The following RGS7 variants were observed in gnomAD, a reference collection of about 807,000 sequenced individuals.
RGS7 encodes regulator of G protein signaling 7.
RGS7 carries 27 observed loss-of-function variants against 81.1 expected under a neutral mutation model. The observed-to-expected ratio is 0.33, with a 90% CI of 0.25 to 0.46. The LOEUF (loss-of-function observed/expected upper bound fraction) is 0.46, where lower values mean the gene tolerates loss of function less well. Among genes scored for constraint, RGS7 ranks in the 20% least tolerant of loss-of-function variants. RGS7 has a pLI of 1.00. For missense variants in RGS7, 396 were observed against 607.4 expected, an observed-to-expected ratio of 0.65 and a Z score of 3.66; for synonymous variants, 208 against 207.7, an observed-to-expected ratio of 1.00 and a Z score of -0.01.
chr1:240,813,780 G>A (rs1251834971), intron 12 of RGS7, 52 bp from the exon 13 acceptor site: 1 of 1,161,636 alleles, frequency 8.6e-7, no homozygotes, highest in East Asian at 2.4e-5. Flanking sequence ...TGGGGTTGCA[G>A]CCAGTCCAAA....
intron 18 of RGS7, among the ~76,000 whole-genome samples, chr1:240,780,617 T>C (rs751431209): frequency 9.2e-5 from 14 of 151,916 alleles, no homozygotes; most frequent in Non-Finnish European, 1.3e-4. Context: ...TGGTTCAAAA[T>C]TCTGGGAAGA....
At chr1:241,227,715 G>A (rs1415570651) in intron 2 of RGS7, among the ~76,000 whole-genome samples, 1 of 115,460 alleles carries the variant, frequency 8.7e-6, no homozygotes, top group South Asian at 3.2e-4. Context: ...ACATTACACC[G>A]TACTCCTAGG....
At chr1:241,331,237 G>T (rs932567208) in intron 2 of RGS7, among the ~76,000 whole-genome samples, 4 of 152,090 alleles carry the variant, frequency 2.6e-5, no homozygotes, top group African/African-American at 9.7e-5. Context: ...CACAAGGTCT[G>T]CAAAACCTCT....
intron 2 of RGS7, among the ~76,000 whole-genome samples, chr1:241,146,954 C>T (rs768167951): frequency 8.5e-5 from 13 of 152,160 alleles, no homozygotes; most frequent in African/African-American, 3.1e-4. Context: ...CTAATACCAT[C>T]GTATTGGGGG....
chr1:241,134,776 C>T (rs765944618), intron 2 of RGS7, among the ~76,000 whole-genome samples: 1 of 152,140 alleles, frequency 6.6e-6, no homozygotes, highest in Non-Finnish European at 1.5e-5. Flanking sequence ...ACTAGTTCCT[C>T]ACTGAAAGAT....
chr1:240,874,735 T>A (rs890883412), intron 6 of RGS7, among the ~76,000 whole-genome samples: 2 of 152,184 alleles, frequency 1.3e-5, no homozygotes, highest in Non-Finnish European at 2.9e-5. Context: ...CTTTTTGTGA[T>A]GAGAACTTTG....
At chr1:240,832,572 A>G (rs1419716494) in intron 9 of RGS7, among the ~76,000 whole-genome samples, 6 of 152,246 alleles carry the variant, frequency 3.9e-5, no homozygotes, top group Non-Finnish European at 5.9e-5. Flanking sequence ...AAAAGCATCT[A>G]AATGCCATTT....
At position 241,193,734 on chromosome 1, in the gene RGS7, G is replaced by C. The variant is rs73131687; in HGVS notation, c.79-94972C>G. On this transcript the variant is annotated intron_variant, in intron 2 of 18. Transcript: ENST00000440928. ...ACACAAACACTTGAATGTATGTTAA[G>C]ACTGAGACTTCTGCTACAGAAAGTC... Among the ~76,000 whole-genome samples the C allele has an allele frequency of 2.0e-3, 303 of 152,298 alleles. 2 individuals carry two copies. Among genetic ancestry groups the C allele is most frequent in the African/African-American group, 6.8e-3 (283 of 41,562 alleles).
chr1:240,791,503 T>C (rs538045557), intron 18 of RGS7, among the ~76,000 whole-genome samples: 64 of 152,348 alleles, frequency 4.2e-4, no homozygotes, highest in African/African-American at 1.4e-3. Context: ...TTTAGTGTCA[T>C]TGCTTTCTGG....
chr1:240,866,630 A>C (rs954717396), intron 9 of RGS7, among the ~76,000 whole-genome samples: 1 of 151,968 alleles, frequency 6.6e-6, no homozygotes, highest in Non-Finnish European at 1.5e-5. Flanking sequence ...GATGTGGTGG[A>C]GGCCTCTTGG....
Position 241,275,865 on chromosome 1 carries a change from A to G in RGS7, c.78+79834T>C, listed in dbSNP as rs2078166957. 2.0e-5 allele frequency among the ~76,000 whole-genome samples: 3 copies of G among 152,234 alleles called. No individual in the cohort carries two copies. In the South Asian group the frequency reaches 6.2e-4, roughly 32 times the overall value. On this transcript the variant is annotated intron_variant, in intron 2 of 18. Coordinates refer to ENST00000440928, the MANE Select transcript of RGS7 (RefSeq NM_001364886.1). Reference sequence around the variant, plus strand: ...CAACCAAAGAAATCAAACCAGTAAAAGAAAGGTTTATTTGTTTAATAGAGG... The same window carrying G: ...CAACCAAAGAAATCAAACCAGTAAAGGAAAGGTTTATTTGTTTAATAGAGG...
rs146028343 is a variant in RGS7, at chr1:240,804,411, A to G, written c.1270-1418T>C. ...AGAAGTGGTCACAGAGCAGAGCTGA[A>G]ATCAGAACCCAGGCAATTTACCTTA... On this transcript the variant is annotated intron_variant, in intron 15 of 18. Coordinates refer to ENST00000440928, the MANE Select transcript of RGS7 (RefSeq NM_001364886.1). Among the ~76,000 whole-genome samples, 30 of 152,276 alleles carry G rather than the reference A, an allele frequency of 2.0e-4. No individual in the cohort carries two copies. The East Asian group carries it at 5.6e-3, about 28-fold the overall frequency.
At chr1:241,244,223 A>T (rs965027516) in intron 2 of RGS7, among the ~76,000 whole-genome samples, 2 of 152,222 alleles carry the variant, frequency 1.3e-5, no homozygotes, top group African/African-American at 4.8e-5. Context: ...CAAAGGGCTA[A>T]TATCCAGAAT....
chr1:241,144,633 A>G lies in RGS7; in HGVS notation c.79-45871T>C, dbSNP rs2068162539. 6.6e-6 allele frequency among the ~76,000 whole-genome samples: 1 copy of G among 152,154 alleles called. No individual in the cohort carries two copies. The highest frequency in any genetic ancestry group is 2.4e-5 in the African/African-American group (1 of 41,434). ...TGTGCTGTCCTGGGCCTGCTTCGAT[A>G]AGTGCTGTTTATGTGGCTGTATTTT... On this transcript the variant is annotated intron_variant, in intron 2 of 18. Transcript: ENST00000440928. This position sits in a 1 kb window ranked among gnomAD's most constrained non-coding sequence, Gnocchi z 4.7.
intron 2 of RGS7, among the ~76,000 whole-genome samples, chr1:241,132,761 G>A (rs1369926961): frequency 1.8e-4 from 28 of 152,174 alleles, no homozygotes; most frequent in African/African-American, 6.3e-4. Flanking sequence ...TTGTTTGTTT[G>A]TTTGTTTGTT....
rs184073695 is a variant in RGS7, at chr1:241,024,753, C to G, written c.176-41624G>C. Among the ~76,000 whole-genome samples the G allele has an allele frequency of 6.6e-4, 100 of 152,216 alleles. 1 individual carries two copies. The highest frequency in any genetic ancestry group is 5.9e-5 in the Non-Finnish European group (4 of 68,020). On this transcript the variant is annotated intron_variant, in intron 3 of 18. Coordinates refer to ENST00000440928, the MANE Select transcript of RGS7 (RefSeq NM_001364886.1). ...TATATTGATGCTCAAAAAGACACTG[C>G]AGATCATTGATTTGAAATGCTTATG... is the stretch of plus-strand genomic sequence containing the variant.
intron 2 of RGS7, among the ~76,000 whole-genome samples, chr1:241,101,065 T>C (rs902415661): frequency 6.6e-6 from 1 of 152,206 alleles, no homozygotes; most frequent in African/African-American, 2.4e-5. Context: ...CTATTCAGGA[T>C]TGTGTTTCAG....
intron 6 of RGS7, among the ~76,000 whole-genome samples, chr1:240,908,510 C>T (rs2148235374): frequency 6.6e-6 from 1 of 152,220 alleles, no homozygotes; most frequent in African/African-American, 2.4e-5. Context: ...AACGTCTTTC[C>T]TATAGTTGTT....
At chr1:241,103,800 G>C (rs889148102) in intron 2 of RGS7, among the ~76,000 whole-genome samples, 2 of 152,194 alleles carry the variant, frequency 1.3e-5, no homozygotes, top group Non-Finnish European at 2.9e-5. Context: ...CTTGAGCCTG[G>C]AAGGTCAAGG....
Sources: allele counts gnomAD v4.1 joint callset (sites outside exome capture counted in the v4.1 genomes callset), GRCh38; gene constraint gnomAD v4.1.1; non-coding constraint Gnocchi (gnomAD v3.1); transcripts MANE v1.5; gene names NCBI Gene and HGNC (gene_info 2026-07-23, HGNC 2026-07-21).